MIPOL1: variants seen among roughly 807,000 people sequenced by gnomAD.
MIPOL1 encodes mirror-image polydactyly gene 1 protein.
In MIPOL1, 57 loss-of-function variants were observed where a neutral mutation model predicts 60.9. The observed-to-expected ratio is 0.94, with a 90% CI of 0.76 to 1.17. The LOEUF (loss-of-function observed/expected upper bound fraction) is 1.17, where lower values mean the gene tolerates loss of function less well. Among genes scored for constraint, MIPOL1 ranks in the 50% most tolerant of loss-of-function variants. MIPOL1 has a pLI of 0.00. For missense variants in MIPOL1, 551 were observed against 511.6 expected, an observed-to-expected ratio of 1.08 and a Z score of -0.74; for synonymous variants, 179 against 168.8, an observed-to-expected ratio of 1.06 and a Z score of -0.47.
At chr14:37,368,333 CTT>C (rs1566452710) in intron 9 of MIPOL1, among the ~76,000 whole-genome samples, 1 of 107,998 alleles carries the variant, frequency 9.3e-6, no homozygotes. Flanking sequence ...TCTGGTAAGA[CTT>C]TTTCTTCTAA....
In MIPOL1 at chr14:37,409,334, G is replaced by A. The variant is rs61458011; in HGVS notation, c.937-13521G>A. Among the ~76,000 whole-genome samples, 842 of 152,098 alleles carry A rather than the reference G, an allele frequency of 5.5e-3. 11 individuals carry two copies. The highest frequency in any genetic ancestry group is 0.019 in the African/African-American group (786 of 41,472). On this transcript the variant is annotated intron_variant, in intron 10 of 12. Coordinates refer to ENST00000684589, the MANE Select transcript of MIPOL1 (RefSeq NM_001388067.1). ...CTTAAATGATATTTAAATAAATAGA[G>A]TATGAACCACAACCCTGAGTTATCC...
intron 1 of MIPOL1, among the ~76,000 whole-genome samples, chr14:37,244,418 G>A (rs999601094): frequency 2.6e-5 from 4 of 151,744 alleles, no homozygotes; most frequent in African/African-American, 9.7e-5. Context: ...ACCATGCCCC[G>A]CCACTTCCTT....
chr14:37,235,465 A>G (rs1247139832), intron 1 of MIPOL1, among the ~76,000 whole-genome samples: 1 of 152,106 alleles, frequency 6.6e-6, no homozygotes, highest in East Asian at 1.9e-4. Flanking sequence ...AGGAATTACT[A>G]TTGACTTTGT....
chr14:37,206,131 G>T (rs1394961328), intron 1 of MIPOL1, among the ~76,000 whole-genome samples: 1 of 152,138 alleles, frequency 6.6e-6, no homozygotes, highest in African/African-American at 2.4e-5. Context: ...TATGTCAGAG[G>T]TCTTCATGGC....
intron 12 of MIPOL1, chr14:37,504,266 T>C (rs571105764): frequency 6.6e-6 from 1 of 152,252 alleles, no homozygotes; most frequent in East Asian, 1.9e-4. Flanking sequence ...CTAATAGACA[T>C]CTACAGAACT....
intron 11 of MIPOL1, among the ~76,000 whole-genome samples, chr14:37,435,870 A>C (rs1306929065): frequency 2.0e-5 from 3 of 152,190 alleles, no homozygotes; most frequent in Non-Finnish European, 2.9e-5. Flanking sequence ...AATTAAGCTT[A>C]ATGCTTAGAA....
At chr14:37,200,672 T>G (rs537427146) in intron 1 of MIPOL1, among the ~76,000 whole-genome samples, 1 of 150,954 alleles carries the variant, frequency 6.6e-6, no homozygotes, top group African/African-American at 2.4e-5. Flanking sequence ...TAGTTTTTTT[T>G]TTTTTTTTTT....
chr14:37,502,138 G>A (rs1362989448), intron 12 of MIPOL1: 2 of 152,420 alleles, frequency 1.3e-5, no homozygotes, highest in African/African-American at 4.8e-5. Context: ...AAGGCCTACT[G>A]CCTCTATGGA....
Position 37,267,019 on chromosome 14 carries a change from C to T in MIPOL1, c.101C>T (p.Ser34Phe), listed in dbSNP as rs780488483. 5.6e-6 allele frequency: 9 copies of T among 1,613,684 alleles called. No homozygotes were observed. The South Asian group carries it at 7.7e-5, about 14-fold the overall frequency. The change falls in exon 4 of 13, where the codon TCT becomes TTT. Residue 34 changes from serine (S) to phenylalanine (F), a missense_variant. Transcript: ENST00000684589. ...CCAGATGAGCAACTGACTATGAATTCTGAGAAAAGTATGCATCGGAAATCC... is the reference window on the plus strand; with the variant it reads ...CCAGATGAGCAACTGACTATGAATTTTGAGAAAAGTATGCATCGGAAATCC... ...TQPDEQLTMN[S>F]EKSMHRKSTE... is the part of the protein sequence containing the mutation.
At chr14:37,303,422 C>A (rs754571809) in intron 7 of MIPOL1, among the ~76,000 whole-genome samples, 11 of 151,882 alleles carry the variant, frequency 7.2e-5, no homozygotes, top group African/African-American at 1.2e-4. Flanking sequence ...AAAACTTCTT[C>A]CTCAGAACTT....
chr14:37,302,560 G>A (rs914697272), intron 7 of MIPOL1, among the ~76,000 whole-genome samples: 1 of 149,336 alleles, frequency 6.7e-6, no homozygotes, highest in Non-Finnish European at 1.5e-5. Context: ...GTTTTTTTGA[G>A]TCTCTTAGTG....
rs2095195146 is a variant in MIPOL1 at position 37,500,158 on chromosome 14, A to G, written c.1262+20A>G. 1 of 1,482,086 alleles carries G rather than the reference A, an allele frequency of 6.7e-7. No individual in the cohort carries two copies. Among genetic ancestry groups the G allele is most frequent in the African/African-American group, 1.4e-5 (1 of 71,286 alleles). 91.8% of individuals were successfully genotyped at this position (1,482,086 alleles called of 1,614,324 possible). A position where few individuals can be genotyped will look rare whatever the true frequency, so the allele number is the denominator to read the frequency against. ...TCAAAAGTAAGTTAAATGATCTTGT[A>G]ATAATACTTCAAACACATGAAACAA... On this transcript the variant is annotated intron_variant, in intron 12 of 12. Transcript: ENST00000684589.
intron 9 of MIPOL1, among the ~76,000 whole-genome samples, chr14:37,323,341 G>A (rs1040905387): frequency 1.3e-5 from 2 of 152,006 alleles, no homozygotes; most frequent in African/African-American, 4.8e-5. Flanking sequence ...CTATATATAT[G>A]TTTTGGTACC....
At chr14:37,281,813 G>A (rs187438128) in intron 6 of MIPOL1, among the ~76,000 whole-genome samples, 1 of 152,210 alleles carries the variant, frequency 6.6e-6, no homozygotes, top group African/African-American at 2.4e-5. Context: ...ATTTTAGATT[G>A]TTTTTTCTAT....
intron 10 of MIPOL1, among the ~76,000 whole-genome samples, chr14:37,410,623 A>G (rs1233353077): frequency 1.3e-5 from 2 of 152,174 alleles, no homozygotes; most frequent in African/African-American, 4.8e-5. Context: ...TCAACAAAAT[A>G]GTAATATTTT....
At chr14:37,496,388 A>G (rs985938640) in intron 11 of MIPOL1, among the ~76,000 whole-genome samples, 3 of 145,586 alleles carry the variant, frequency 2.1e-5, no homozygotes, top group African/African-American at 7.7e-5. Context: ...ACATGATTGT[A>G]TATCTAGAAA....
intron 10 of MIPOL1, among the ~76,000 whole-genome samples, chr14:37,382,946 G>T (rs1434077020): frequency 6.6e-6 from 1 of 151,464 alleles, no homozygotes; most frequent in African/African-American, 2.4e-5. Context: ...ATATTTCCAA[G>T]ATTTTTATTC....
intron 9 of MIPOL1, among the ~76,000 whole-genome samples, chr14:37,347,069 G>T (rs565229759): frequency 6.6e-6 from 1 of 151,812 alleles, no homozygotes; most frequent in Non-Finnish European, 1.5e-5. Context: ...AAACCAATCT[G>T]GCAATTCATC....
In MIPOL1 at chr14:37,549,810, A is replaced by C. The variant is rs2095557428; in HGVS notation, c.*2839A>C. 1 of 151,982 alleles carries C rather than the reference A, an allele frequency of 6.6e-6. No individual in the cohort carries two copies. The highest frequency in any genetic ancestry group is 6.6e-5 in the Admixed American group (1 of 15,262). The allele number at this position is 151,982 out of a possible 1,614,324, so 9.4% of individuals were successfully genotyped here. A position where few individuals can be genotyped will look rare whatever the true frequency, so the allele number is the denominator to read the frequency against. On this transcript the variant is annotated 3_prime_UTR_variant, in exon 13 of 13. Transcript: ENST00000684589. ...AGTATGCTTTGCCTCAGCCTTCACT[A>C]ATTAGGAATATTGTGACAATTCATT... is the stretch of plus-strand genomic sequence containing the variant.
Sources: allele counts gnomAD v4.1 joint callset (sites outside exome capture counted in the v4.1 genomes callset), GRCh38; gene constraint gnomAD v4.1.1; transcripts MANE v1.5; gene names NCBI Gene and HGNC (gene_info 2026-07-23, HGNC 2026-07-21).